Variants in NUCB1 observed in about 807,000 individuals in gnomAD.
The protein encoded by NUCB1 is nucleobindin 1.
A neutral mutation model predicts 61.2 loss-of-function variants in NUCB1; 47 were observed. The observed-to-expected ratio is 0.77, with a 90% CI of 0.61 to 0.98. NUCB1 has a LOEUF of 0.98. Among genes scored for constraint, NUCB1 ranks in the 50% least tolerant of loss-of-function variants. NUCB1 has a pLI of 0.00. For synonymous variants in NUCB1, 234 were observed against 243.1 expected (o/e 0.96, Z 0.35); for missense variants, 583 against 605.3 (o/e 0.96, Z 0.39).
chr19:48,911,092 A>C, intron 4 of NUCB1, 57 bp from the exon 5 acceptor site: 1 of 1,304,052 alleles, frequency 7.7e-7, no homozygotes, highest in Admixed American at 1.8e-5. Context: ...GTCTGGCCCA[A>C]GATGGGGGTT....
At chr19:48,907,497 ACTC>A (rs983559388) in intron 4 of NUCB1, among the ~76,000 whole-genome samples, 14 of 139,112 alleles carry the variant, frequency 1.0e-4, no homozygotes, top group Non-Finnish European at 1.6e-4. Flanking sequence ...CTGGTCTTGA[ACTC>A]CTGACTTCAA....
intron 7 of NUCB1, 138 bp downstream of exon 7, chr19:48,913,702 C>G: frequency 3.0e-6 from 2 of 670,798 alleles, no homozygotes; most frequent in Non-Finnish European, 2.7e-6. Context: ...CCCTGGTTGA[C>G]CAGACAGCCC....
intron 2 of NUCB1, 116 bp from the exon 3 acceptor site, chr19:48,904,231 G>C: frequency 1.6e-6 from 1 of 632,152 alleles, no homozygotes; most frequent in Non-Finnish European, 2.9e-6. Context: ...TGTGGGAAAA[G>C]GTAAAAACTG....
In NUCB1 at chr19:48,913,556, T is replaced by C. The variant is rs181852425; in HGVS notation, c.749T>C (p.Ile250Thr). The C allele has an allele frequency of 6.2e-5, 100 of 1,613,352 alleles. No individual in the cohort carries two copies. The Admixed American group carries it at 1.6e-3, about 26-fold the overall frequency. Residue 250 changes from isoleucine to threonine, a missense_variant, in exon 7 of 13, where the codon ATA (isoleucine) becomes ACA (threonine). Physicochemically the swap from Ile to Thr is moderately conservative, Grantham distance 89 (BLOSUM62 -1). Coordinates refer to ENST00000405315, the MANE Select transcript of NUCB1 (RefSeq NM_006184.6). ...PNRFNPKTFF[I>T]LHDINSDGVL... ...AGGTTTAACCCCAAGACCTTCTTCA[T>C]ACTGCATGGTAAGGTGGGGAGGGAG... is the stretch of plus-strand genomic sequence containing the variant.
chr19:48,913,241 T>C lies in NUCB1; in HGVS notation c.666+45T>C, dbSNP rs1346712575. ...CCATCCACTCCCTACCACATCCAGT[T>C]CAAACGCAAGACAAGAAAGCAGTTA... On this transcript the variant is annotated intron_variant, in intron 6 of 12. Transcript: ENST00000405315. 1.9e-6 allele frequency: 3 copies of C among 1,551,370 alleles called. No individual in the cohort carries two copies. In the Admixed American group the frequency reaches 6.0e-5, roughly 31 times the overall value.
At position 48,921,849 on chromosome 19, in the gene NUCB1, G is replaced by GGAAGCA. The variant is rs762818934; in HGVS notation, c.1198_1203dup (p.Lys400_Gln401dup). The stretch of plus-strand genomic sequence containing the variant: ...CAGGCTGTGCTGCACATGGAGCAGC[G>GGAAGCA]GAAGCAGCAGCAGCAGCAGCAGCAA... On this transcript the variant is annotated inframe_insertion, in exon 12 of 13. Transcript: ENST00000405315. 2.9e-5 allele frequency: 46 copies of GGAAGCA among 1,612,504 alleles called. No homozygotes were observed. Among genetic ancestry groups the GGAAGCA allele is most frequent in the Non-Finnish European group, 3.9e-5 (46 of 1,179,968 alleles).
At chr19:48,913,422 C>G in intron 6 of NUCB1, 52 bp from the exon 7 acceptor site, 1 of 1,502,610 alleles carries the variant, frequency 6.7e-7, no homozygotes, top group South Asian at 1.1e-5. Flanking sequence ...TTGGTTTTAT[C>G]CCATGGCATC....
In NUCB1 at chr19:48,918,766, G is replaced by T; in HGVS notation, c.798G>T (p.Glu266Asp). The T allele has an allele frequency of 6.2e-7, 1 of 1,614,062 alleles. No individual in the cohort carries two copies. The highest frequency in any genetic ancestry group is 8.5e-7 in the Non-Finnish European group (1 of 1,179,972). Residue 266 changes from glutamate (E) to aspartate (D), a missense_variant, in exon 8 of 13, where the codon GAG (glutamate) becomes GAT (aspartate). Physicochemically the swap from Glu to Asp is conservative, Grantham distance 45. Coordinates refer to ENST00000405315, the MANE Select transcript of NUCB1 (RefSeq NM_006184.6). ...SDGVLDEQEL[E>D]ALFTKELEKV... ...GTGTCCTGGATGAGCAGGAGCTGGA[G>T]GCACTCTTCACCAAGGAGGTGAGCA...
At chr19:48,918,826 A>G (rs2037571077) in intron 8 of NUCB1, 42 bp downstream of exon 8, 2 of 1,568,070 alleles carry the variant, frequency 1.3e-6, no homozygotes, top group Non-Finnish European at 1.8e-6. Context: ...GGGACGCCCA[A>G]ATCAGCCACT....
rs761698092 is a variant in NUCB1 at position 48,900,910 on chromosome 19, G to C, written c.114G>C (p.Glu38Asp). The change falls in exon 2 of 13, where the codon GAG (glutamate) becomes GAC (aspartate). Residue 38 changes from glutamate (E) to aspartate (D), a missense_variant. Transcript: ENST00000405315. ...PLERGAPNKEETPATESPDTG... is the reference protein window; with the variant it reads ...PLERGAPNKEDTPATESPDTG... ...AGCGAGGGGCGCCCAACAAGGAGGA[G>C]ACCCCTGCGACTGAGAGTCCCGTGA... 3.7e-6 allele frequency: 6 copies of C among 1,613,832 alleles called. No homozygotes were observed. Among genetic ancestry groups the C allele is most frequent in the Non-Finnish European group, 5.1e-6 (6 of 1,180,042 alleles).
In NUCB1 at chr19:48,922,953, T is replaced by A. The variant is rs1411981124; in HGVS notation, c.*529T>A. On this transcript the variant is annotated 3_prime_UTR_variant, in exon 13 of 13. Transcript: ENST00000405315. Reference sequence around the variant, plus strand: ...AGACAGTGTCCCCTCCACAGCTGGGTGCCAGGGGCAGGGGATCCTCAGTAT... The same window carrying A: ...AGACAGTGTCCCCTCCACAGCTGGGAGCCAGGGGCAGGGGATCCTCAGTAT... The A allele has an allele frequency of 1.3e-5, 2 of 152,858 alleles. No homozygotes were observed. Among genetic ancestry groups the A allele is most frequent in the African/African-American group, 4.8e-5 (2 of 41,452 alleles). The allele number at this position is 152,858 out of a possible 1,614,324, so 9.5% of individuals were successfully genotyped here.
intron 7 of NUCB1, among the ~76,000 whole-genome samples, chr19:48,914,019 G>A (rs544117023): frequency 4.7e-5 from 7 of 148,736 alleles, no homozygotes; most frequent in Non-Finnish European, 1.0e-4. Flanking sequence ...CCAGGCTGGA[G>A]TGCAGTGGCA....
chr19:48,913,031 G>A lies in NUCB1; in HGVS notation c.501G>A (p.Gln167=). ...CCCAGGCCACCCGGGACCTTGCCCAGTACGACGCAGCCCATCATGAAGAGT... is the reference window on the plus strand; with the variant it reads ...CCCAGGCCACCCGGGACCTTGCCCAATACGACGCAGCCCATCATGAAGAGT... ...LIQTATRDLA[Q]YDAAHHEEFK... is the part of the protein sequence containing the mutation. The change falls in exon 6 of 13, where the codon CAG becomes CAA. Residue 167 remains glutamine, a synonymous_variant. Transcript: ENST00000405315. 6.2e-7 allele frequency: 1 copy of A among 1,612,802 alleles called. No individual in the cohort carries two copies. Among genetic ancestry groups the A allele is most frequent in the South Asian group, 1.1e-5 (1 of 90,996 alleles).
Position 48,922,919 on chromosome 19 carries a change from A to T in NUCB1, c.*495A>T, listed in dbSNP as rs185371465. ...TCCCCTACCTTTTGTGGAACCAGTG[A>T]TGCCTCAAAGACAGTGTCCCCTCCA... On this transcript the variant is annotated 3_prime_UTR_variant, in exon 13 of 13. Coordinates refer to ENST00000405315, the MANE Select transcript of NUCB1 (RefSeq NM_006184.6). 303 of 155,124 alleles carry T rather than the reference A, an allele frequency of 2.0e-3. 7 individuals carry two copies. The highest frequency in any genetic ancestry group is 9.9e-3 in the Middle Eastern group (3 of 302). The allele number at this position is 155,124 out of a possible 1,614,324, so 9.6% of individuals were successfully genotyped here.
At chr19:48,921,729 GCAGGCTGC>G in intron 11 of NUCB1, 90 bp from the exon 12 acceptor site, 1 of 1,148,664 alleles carries the variant, frequency 8.7e-7, no homozygotes, top group Non-Finnish European at 1.3e-6. Context: ...TGACCACTTA[GCAGGCTGC>G]TGTGAAGTCT....
intron 7 of NUCB1, among the ~76,000 whole-genome samples, chr19:48,914,083 C>G (rs1451717245): frequency 6.7e-6 from 1 of 150,244 alleles, no homozygotes; most frequent in Admixed American, 6.7e-5. Context: ...TCAAGTGATT[C>G]TCCTGCCTCA....
intron 10 of NUCB1, among the ~76,000 whole-genome samples, chr19:48,919,540 C>T (rs906428995): frequency 9.2e-5 from 14 of 151,464 alleles, no homozygotes; most frequent in Non-Finnish European, 1.8e-4. Context: ...TGCAGTGGCA[C>T]GATCTCGGCT....
rs375351203 is a variant in NUCB1, at chr19:48,907,264, C to T, written c.376+1379C>T. Among the ~76,000 whole-genome samples the T allele has an allele frequency of 4.1e-3, 599 of 147,640 alleles. 3 individuals carry two copies. The highest frequency in any genetic ancestry group is 5.8e-3 in the Admixed American group (86 of 14,718). ...CTGGGATTACAGGTGTGAGCCACCG[C>T]GCCTGGCCTTTTTTTTTTTTTTTTT... On this transcript the variant is annotated intron_variant, in intron 4 of 12. Coordinates refer to ENST00000405315, the MANE Select transcript of NUCB1 (RefSeq NM_006184.6).
In NUCB1 at chr19:48,904,327, G is replaced by T. The variant is rs762184264; in HGVS notation, c.136-20G>T. 66 of 1,527,706 alleles carry T rather than the reference G, an allele frequency of 4.3e-5. No homozygotes were observed. The East Asian group carries it at 1.5e-3, about 34-fold the overall frequency. 94.6% of individuals were successfully genotyped at this position (1,527,706 alleles called of 1,614,324 possible). Reference sequence around the variant, plus strand: ...TGGGGATGGGAGCAGGGGCTGCTATGTCTGTCCTTGTTGCCTCAGGACACA... The same window carrying T: ...TGGGGATGGGAGCAGGGGCTGCTATTTCTGTCCTTGTTGCCTCAGGACACA... On this transcript the variant is annotated intron_variant, in intron 2 of 12. Transcript: ENST00000405315.
Sources: gnomAD v4.1 joint callset for allele counts (sites outside exome capture counted in the v4.1 genomes callset) on GRCh38, gnomAD v4.1.1 for gene constraint, MANE v1.5 for transcripts, NCBI Gene and HGNC (gene_info 2026-07-23, HGNC 2026-07-21) for gene names.